MAP3K2: variants seen among roughly 807,000 people sequenced by gnomAD.
MAP3K2 encodes the protein mitogen-activated protein kinase kinase kinase 2, also known as MAP/ERK kinase kinase 2.
In MAP3K2, 24 loss-of-function variants were observed where a neutral mutation model predicts 80.3. The observed-to-expected ratio is 0.30, with a 90% CI of 0.22 to 0.42. The LOEUF (loss-of-function observed/expected upper bound fraction) is 0.42, where lower values mean the gene tolerates loss of function less well. Among genes scored for constraint, MAP3K2 ranks in the 10% least tolerant of loss-of-function variants. MAP3K2 has a pLI of 1.00. For missense variants in MAP3K2, 608 were observed against 750.1 expected (o/e 0.81, Z 2.21); for synonymous variants, 244 against 253.7 (o/e 0.96, Z 0.36).
At chr2:127,324,616 T>C (rs754652063) in intron 9 of MAP3K2, among the ~76,000 whole-genome samples, 4 of 151,940 alleles carry the variant, frequency 2.6e-5, no homozygotes, top group African/African-American at 7.2e-5. Context: ...GTATCCAGGA[T>C]AGTGTTTTGC....
chr2:127,323,030 C>T (rs1040442974), intron 11 of MAP3K2, among the ~76,000 whole-genome samples: 2 of 151,726 alleles, frequency 1.3e-5, no homozygotes, highest in African/African-American at 2.4e-5. Flanking sequence ...CTTTGGGAGG[C>T]CAAGGCAGGC....
Position 127,314,895 on chromosome 2 carries a change from G to C in MAP3K2, c.1327-12C>G. The C allele has an allele frequency of 6.4e-7, 1 of 1,559,644 alleles. No individual in the cohort carries two copies. The highest frequency in any genetic ancestry group is 8.7e-7 in the Non-Finnish European group (1 of 1,149,898). On this transcript the variant is annotated splice_polypyrimidine_tract_variant and intron_variant, in intron 14 of 16. Coordinates refer to ENST00000682094, the MANE Select transcript of MAP3K2 (RefSeq NM_001371910.2). ...TCCTTAATTGAACCCTAGGAGAAAA[G>C]AAAACAAAAATAAAAACTACTGTAT...
At chr2:127,330,215 ATGAC>A (rs1202018862) in intron 6 of MAP3K2, among the ~76,000 whole-genome samples, 173 bp downstream of exon 6, 2 of 152,226 alleles carry the variant, frequency 1.3e-5, no homozygotes, top group East Asian at 3.8e-4. Flanking sequence ...ATTTATAACT[ATGAC>A]TGTGGTTTTT....
chr2:127,385,224 T>G (rs1444502368), intron 1 of MAP3K2, among the ~76,000 whole-genome samples: 4 of 152,148 alleles, frequency 2.6e-5, no homozygotes, highest in African/African-American at 9.7e-5. Context: ...ACTAATGTCT[T>G]ACTTTAAGAA....
intron 13 of MAP3K2, 26 bp from the exon 14 acceptor site, chr2:127,317,786 T>G: frequency 1.3e-6 from 2 of 1,582,074 alleles, no homozygotes; most frequent in East Asian, 4.5e-5. Flanking sequence ...CATTGTTAAG[T>G]CTTCAACAAT....
At chr2:127,365,274 G>C (rs902364741) in intron 1 of MAP3K2, among the ~76,000 whole-genome samples, 2 of 151,980 alleles carry the variant, frequency 1.3e-5, no homozygotes, top group South Asian at 4.1e-4. Flanking sequence ...GAGGAAGTGG[G>C]CTTAGAGAGC....
intron 1 of MAP3K2, among the ~76,000 whole-genome samples, chr2:127,346,410 T>TAAAAAAAA (rs70985447): frequency 1.3e-3 from 127 of 96,250 alleles, no homozygotes; most frequent in Middle Eastern, 8.9e-3. Flanking sequence ...AAACTGGTTT[T>TAAAAAAAA]AAAAAAAAAA....
At chr2:127,312,995 C>G (rs1002986232) in intron 15 of MAP3K2, among the ~76,000 whole-genome samples, 1 of 151,972 alleles carries the variant, frequency 6.6e-6, no homozygotes, top group Non-Finnish European at 1.5e-5. Context: ...ACGACCATCA[C>G]TCATCCTGCC....
At chr2:127,363,284 G>T (rs1686920748) in intron 1 of MAP3K2, among the ~76,000 whole-genome samples, 1 of 152,078 alleles carries the variant, frequency 6.6e-6, no homozygotes, top group Admixed American at 6.6e-5. Flanking sequence ...TATGCTTACT[G>T]TGTGCCAATA....
chr2:127,309,739 A>G (rs948239664), intron 15 of MAP3K2, among the ~76,000 whole-genome samples: 11 of 152,096 alleles, frequency 7.2e-5, no homozygotes, highest in African/African-American at 2.7e-4. Context: ...GATTTGTCTC[A>G]TGTTCTCATA....
At chr2:127,314,709 CACTAAGA>C in intron 15 of MAP3K2, 38 bp downstream of exon 15, 1 of 1,442,126 alleles carries the variant, frequency 6.9e-7, no homozygotes, top group South Asian at 1.2e-5. Flanking sequence ...CATTCACATT[CACTAAGA>C]ACTGTGTACT....
Position 127,314,837 on chromosome 2 carries a change from T to C in MAP3K2, c.1373A>G (p.Asn458Ser), listed in dbSNP as rs781356605. The C allele has an allele frequency of 2.5e-6, 4 of 1,611,560 alleles. No individual in the cohort carries two copies. The highest frequency in any genetic ancestry group is 1.7e-5 in the Admixed American group (1 of 59,954). The change falls in exon 15 of 17, where the codon AAT becomes AGT. Residue 458 changes from asparagine to serine, a missense_variant. Physicochemically the swap from Asn to Ser is conservative, Grantham distance 46. Around this residue, in one of 4 missense-constraint regions of MAP3K2, gnomAD observed 88 missense variants for 132.4 expected, o/e 0.66. Coordinates refer to ENST00000682094, the MANE Select transcript of MAP3K2 (RefSeq NM_001371910.2). The stretch of plus-strand genomic sequence containing the variant: ...CTGACGGGTGTATTTCCTAGTCACA[T>C]TCTCAGTAAGAGCGCCATATGCTTT... ...QLKAYGALTE[N>S]VTRKYTRQIL...
At chr2:127,324,956 A>G (rs1240147961) in intron 9 of MAP3K2, among the ~76,000 whole-genome samples, 1 of 152,198 alleles carries the variant, frequency 6.6e-6, no homozygotes, top group African/African-American at 2.4e-5. Flanking sequence ...ACATGTACCA[A>G]TGTGACACAG....
chr2:127,309,388 T>C (rs1314922798), intron 15 of MAP3K2, among the ~76,000 whole-genome samples: 1 of 152,146 alleles, frequency 6.6e-6, no homozygotes, highest in African/African-American at 2.4e-5. Context: ...AGCTTCAGAT[T>C]TACAGAATTA....
intron 1 of MAP3K2, among the ~76,000 whole-genome samples, chr2:127,375,410 A>ATTTT (rs775598052): frequency 7.9e-6 from 1 of 126,304 alleles, no homozygotes; most frequent in Non-Finnish European, 1.8e-5. Flanking sequence ...TTATTTATTT[A>ATTTT]TTTATTTATT....
intron 1 of MAP3K2, among the ~76,000 whole-genome samples, chr2:127,348,644 A>G (rs1686639280): frequency 1.3e-5 from 2 of 152,132 alleles, no homozygotes; most frequent in African/African-American, 4.8e-5. Context: ...GGATGAGGAA[A>G]TGTTCTGGAG....
intron 1 of MAP3K2, among the ~76,000 whole-genome samples, chr2:127,362,257 T>C (rs749917049): frequency 6.6e-6 from 1 of 152,264 alleles, no homozygotes; most frequent in African/African-American, 2.4e-5. Context: ...TAATCTTTCT[T>C]TGCCTTGATT....
intron 1 of MAP3K2, among the ~76,000 whole-genome samples, chr2:127,376,493 C>CT (rs1274707934): frequency 6.6e-6 from 1 of 152,204 alleles, no homozygotes; most frequent in African/African-American, 2.4e-5. Flanking sequence ...CCCTAGCCCG[C>CT]TCTTTCACTG....
At chr2:127,371,310 A>T (rs1433787000) in intron 1 of MAP3K2, among the ~76,000 whole-genome samples, 1 of 152,220 alleles carries the variant, frequency 6.6e-6, no homozygotes, top group African/African-American at 2.4e-5. Context: ...GCTATGCTCC[A>T]GGGGAGGCGT....
Sources: allele counts gnomAD v4.1 joint callset (sites outside exome capture counted in the v4.1 genomes callset), GRCh38; gene constraint gnomAD v4.1.1; regional missense constraint gnomAD v4.1.1; transcripts MANE v1.5; gene names NCBI Gene and HGNC (gene_info 2026-07-23, HGNC 2026-07-21).